Variants in RGL3 observed in about 807,000 individuals in gnomAD.
The protein encoded by RGL3 is ral guanine nucleotide dissociation stimulator like 3.
In RGL3, 85 loss-of-function variants were observed where a neutral mutation model predicts 90.6. That is an observed-to-expected ratio of 0.94 (90% CI 0.79 to 1.12). The LOEUF (loss-of-function observed/expected upper bound fraction) is 1.12, where lower values mean the gene tolerates loss of function less well. RGL3 is among the 50% of genes most tolerant of loss of function. The pLI is 0.00. For missense variants in RGL3, 1,034 were observed against 939.2 expected (o/e 1.10, Z -1.32); for synonymous variants, 408 against 385.5 (o/e 1.06, Z -0.68).
chr19:11,411,909 C>G (rs1394033090), intron 5 of RGL3, among the ~76,000 whole-genome samples: 2 of 152,166 alleles, frequency 1.3e-5, no homozygotes, highest in African/African-American at 4.8e-5. Flanking sequence ...GCCTCTGCAT[C>G]TGGCCTGGAT....
intron 2 of RGL3, among the ~76,000 whole-genome samples, chr19:11,418,121 TG>T (rs1253313662): frequency 6.6e-6 from 1 of 151,880 alleles, no homozygotes; most frequent in East Asian, 1.9e-4. Context: ...CCTGCCCGCT[TG>T]AAGTTATTGT....
rs1968648704 is a variant in RGL3 at position 11,400,188 on chromosome 19, A to C, written c.1580+14T>G. 3 of 1,568,372 alleles carry C rather than the reference A, an allele frequency of 1.9e-6. No homozygotes were observed. Among genetic ancestry groups the C allele is most frequent in the Admixed American group, 1.9e-5 (1 of 53,836 alleles). ...TGCCCACATCACCGCCCCTACACAC[A>C]CCCCGAGACTCACGCACTGAGACGC... On this transcript the variant is annotated intron_variant, in intron 14 of 18. Transcript: ENST00000380456.
rs1206045787 is a variant in RGL3 at position 11,394,476 on chromosome 19, G to C, written c.2059C>G (p.Pro687Ala). The stretch of plus-strand genomic sequence containing the variant: ...AGCATGAAGTCTCTGGGGGCGACTG[G>C]ACTCATGGCATAGAAGACGTTGGCA... Reference protein sequence around the residue: ...DNANVFYAMSPVAPRDFMLRR... With the variant: ...DNANVFYAMSAVAPRDFMLRR... Residue 687 changes from proline (P) to alanine (A), a missense_variant, in exon 19 of 19, where the codon CCA (proline) becomes GCA (alanine). By Grantham distance (27) the Pro-to-Ala change is conservative. Coordinates refer to ENST00000380456, the MANE Select transcript of RGL3 (RefSeq NM_001035223.4). 4 of 1,614,052 alleles carry C rather than the reference G, an allele frequency of 2.5e-6. No homozygotes were observed. Among genetic ancestry groups the C allele is most frequent in the Non-Finnish European group, 3.4e-6 (4 of 1,180,010 alleles).
rs1568338277 is a variant in RGL3, at chr19:11,405,401, G to A, written c.1022C>T (p.Ser341Phe). The A allele has an allele frequency of 5.0e-6, 8 of 1,599,550 alleles. No homozygotes were observed. Among genetic ancestry groups the A allele is most frequent in the Non-Finnish European group, 6.8e-6 (8 of 1,173,352 alleles). Residue 341 changes from serine (S) to phenylalanine (F), a missense_variant, in exon 8 of 19, where the codon TCC becomes TTC. Transcript: ENST00000380456. ...AQRCRELRNFSSLRAILSALQ... is the reference protein window; with the variant it reads ...AQRCRELRNFFSLRAILSALQ... ...GGCGGACAGGATGGCGCGCAAGGAG[G>A]AGAAGTTCCGCAGTTCTCGGCAGCG...
In RGL3 at chr19:11,394,390, G is replaced by C. The variant is rs367690294; in HGVS notation, c.*12C>G. ...TGTGGGACTTGTGTCTTGTGGAGAGGACAGGGCTGCCTCAGCTTGGGGAGA... is the reference window on the plus strand; with the variant it reads ...TGTGGGACTTGTGTCTTGTGGAGAGCACAGGGCTGCCTCAGCTTGGGGAGA... On this transcript the variant is annotated 3_prime_UTR_variant, in exon 19 of 19. Transcript: ENST00000380456. The C allele has an allele frequency of 3.1e-6, 5 of 1,598,556 alleles. No homozygotes were observed. In the African/African-American group the frequency reaches 6.7e-5, roughly 21 times the overall value.
chr19:11,402,611 A>G (rs370853730), intron 10 of RGL3, 39 bp downstream of exon 10: 5 of 1,613,034 alleles, frequency 3.1e-6, no homozygotes, highest in Non-Finnish European at 4.2e-6. Context: ...CCCTCCCTGA[A>G]GGTCCCACTT....
At chr19:11,395,176 G>A (rs986975131) in intron 18 of RGL3, among the ~76,000 whole-genome samples, 1 of 135,624 alleles carries the variant, frequency 7.4e-6, no homozygotes, top group East Asian at 2.1e-4. Flanking sequence ...ACCACCCCCC[G>A]CCAAACAACT....
chr19:11,419,030 T>A, intron 1 of RGL3: 1 of 653,946 alleles, frequency 1.5e-6, no homozygotes, highest in Non-Finnish European at 2.6e-6. Flanking sequence ...ATAGAACCTG[T>A]CTCTAGCTCT....
intron 8 of RGL3, 26 bp from the exon 9 acceptor site, chr19:11,405,257 A>AG: frequency 6.2e-7 from 1 of 1,613,206 alleles, no homozygotes; most frequent in Non-Finnish European, 8.5e-7. Context: ...AAGGGTGGTC[A>AG]GGGGTCAGTG....
chr19:11,410,263 C>T (rs1017924343), intron 5 of RGL3, among the ~76,000 whole-genome samples: 4 of 151,834 alleles, frequency 2.6e-5, no homozygotes, highest in East Asian at 1.9e-4. Flanking sequence ...GGCTTCCCAA[C>T]GTGCTGGGAT....
intron 5 of RGL3, among the ~76,000 whole-genome samples, chr19:11,407,352 G>A (rs531401500): frequency 1.1e-4 from 16 of 152,128 alleles, no homozygotes; most frequent in African/African-American, 3.6e-4. Flanking sequence ...GATTTACTCA[G>A]TAACTCACCA....
intron 5 of RGL3, 66 bp downstream of exon 5, chr19:11,415,871 C>A: frequency 7.2e-7 from 1 of 1,381,638 alleles, no homozygotes. Context: ...GGAGAGAAAG[C>A]CTGTGTGGGA....
intron 6 of RGL3, 34 bp downstream of exon 6, chr19:11,406,688 T>C (rs1968788018): frequency 5.0e-6 from 8 of 1,610,840 alleles, no homozygotes; most frequent in Non-Finnish European, 6.8e-6. Context: ...GTCCCCTCAC[T>C]GTGGCTCATC....
At chr19:11,413,709 TTTAA>T (rs200189927) in intron 5 of RGL3, among the ~76,000 whole-genome samples, 5,178 of 149,832 alleles carry the variant, frequency 0.035, 144 homozygotes, top group Non-Finnish European at 0.056. Context: ...TTTATTTAAT[TTTAA>T]TTAATTAATT....
intron 10 of RGL3, 41 bp from the exon 11 acceptor site, chr19:11,402,582 A>G: frequency 6.2e-7 from 1 of 1,604,970 alleles, no homozygotes. Context: ...GCCATTACTG[A>G]CCCCATCACC....
intron 11 of RGL3, 103 bp downstream of exon 11, chr19:11,402,352 G>A (rs1599432755): frequency 1.3e-6 from 2 of 1,577,856 alleles, no homozygotes; most frequent in East Asian, 2.2e-5. Context: ...GGAGTGTGGG[G>A]TGGTGTCAGG....
At position 11,402,050 on chromosome 19, in the gene RGL3, G is replaced by T; in HGVS notation, c.1445C>A (p.Ala482Asp). The change falls in exon 13 of 19, where the codon GCT becomes GAT. Residue 482 changes from alanine (A) to aspartate (D), a missense_variant. By Grantham distance (126) the Ala-to-Asp change is moderately radical. Transcript: ENST00000380456. ...YTLSPHPPILAALHAQNQLTE... is the reference protein window; with the variant it reads ...YTLSPHPPILDALHAQNQLTE... ...GAGCTGGTTCTGGGCATGCAGGGCA[G>T]CCAGGATGGGCGGGTGGGGGCTCAG... The T allele has an allele frequency of 6.4e-7, 1 of 1,570,976 alleles. No individual in the cohort carries two copies.
intron 18 of RGL3, among the ~76,000 whole-genome samples, chr19:11,396,185 T>G: frequency 9.1e-6 from 1 of 109,370 alleles, no homozygotes; most frequent in African/African-American, 4.4e-5. Flanking sequence ...TTTTTTTTTT[T>G]TGAGACAGAG....
chr19:11,400,578 G>A (rs1406067930), intron 13 of RGL3, among the ~76,000 whole-genome samples: 1 of 151,824 alleles, frequency 6.6e-6, no homozygotes, highest in Non-Finnish European at 1.5e-5. Flanking sequence ...AGGACTGGGT[G>A]CAGTGGCTCA....
Sources: allele counts gnomAD v4.1 joint callset (sites outside exome capture counted in the v4.1 genomes callset), GRCh38; gene constraint gnomAD v4.1.1; transcripts MANE v1.5; gene names NCBI Gene and HGNC (gene_info 2026-07-23, HGNC 2026-07-21).